C11orf65: variants seen among roughly 807,000 people sequenced by gnomAD.
The protein encoded by C11orf65 is protein MFI.
A neutral mutation model predicts 35.3 loss-of-function variants in C11orf65; 38 were observed. That is an observed-to-expected ratio of 1.08 (90% CI 0.83 to 1.41). The LOEUF is 1.41. Among genes scored for constraint, C11orf65 ranks in the 40% most tolerant of loss-of-function variants. The pLI, the probability that C11orf65 is intolerant of heterozygous loss-of-function variation, is 0.00. For synonymous variants in C11orf65, 105 were observed against 114.4 expected, an observed-to-expected ratio of 0.92 and a Z score of 0.53; for missense variants, 370 against 367.1, an observed-to-expected ratio of 1.01 and a Z score of -0.06.
rs1175890979 is a variant in C11orf65 at position 108,387,148 on chromosome 11, CTT to C, written c.732-1175_732-1174del. On this transcript the variant is annotated intron_variant, in intron 7 of 8. Coordinates refer to ENST00000393084, the MANE Select transcript of C11orf65 (RefSeq NM_152587.5). Reference sequence around the variant, plus strand: ...TGATTTTCTTTTCTTTTCTTTCTTTCTTTTTTTTTTTTTTTTTTTTTTTGAGA... The same window carrying C: ...TGATTTTCTTTTCTTTTCTTTCTTTCTTTTTTTTTTTTTTTTTTTTTGAGA... 2.5e-4 allele frequency among the ~76,000 whole-genome samples: 21 copies of C among 84,406 alleles called. No individual in the cohort carries two copies. In the South Asian group the frequency reaches 3.4e-3, roughly 14 times the overall value. The allele number at this position is 84,406 out of a possible 152,430, so 55.4% of individuals were successfully genotyped here.
At chr11:108,338,419 C>T (rs1426926932) in intron 2 of C11orf65, among the ~76,000 whole-genome samples, 1 of 152,090 alleles carries the variant, frequency 6.6e-6, no homozygotes, top group Non-Finnish European at 1.5e-5. Flanking sequence ...CTTTGAGAGG[C>T]CAAGGCAGGA....
rs996339818 is a variant in C11orf65, at chr11:108,431,835, C to T, written c.85G>A (p.Val29Ile). Residue 29 changes from valine (V) to isoleucine (I), a missense_variant, in exon 3 of 9, where the codon GTC (valine) becomes ATC (isoleucine). Transcript: ENST00000393084. ...IQQAWKSFLN[V>I]AIFQHFKSLI... ...CTTTTAAAGTGTTGAAATATAGCGA[C>T]ATTCTAAAGGTTCAAACACAAGATT... The T allele has an allele frequency of 1.3e-6, 2 of 1,485,380 alleles. No individual in the cohort carries two copies. The highest frequency in any genetic ancestry group is 1.8e-6 in the Non-Finnish European group (2 of 1,095,718). 92.0% of individuals were successfully genotyped at this position (1,485,380 alleles called of 1,614,324 possible).
Position 108,461,476 on chromosome 11 carries a change from C to T in C11orf65, c.81+3G>A, listed in dbSNP as rs948347342. 5.0e-6 allele frequency: 8 copies of T among 1,594,516 alleles called. No homozygotes were observed. The highest frequency in any genetic ancestry group is 2.2e-5 in the East Asian group (1 of 44,614). On this transcript the variant is annotated splice_donor_region_variant and intron_variant, in intron 2 of 8. Transcript: ENST00000393084. The stretch of plus-strand genomic sequence containing the variant: ...TTTCAATAAAACTTCTAAATAAACT[C>T]ACAAGGAAACTTTTCCAGGCCTGCT...
At chr11:108,337,359 G>A (rs186884801) in intron 2 of C11orf65, among the ~76,000 whole-genome samples, 49 of 152,236 alleles carry the variant, frequency 3.2e-4, no homozygotes, top group Admixed American at 6.5e-4. Flanking sequence ...ATTAATCCTC[G>A]ATGAATGCAA....
At chr11:108,442,494 G>A (rs1258648647) in intron 2 of C11orf65, among the ~76,000 whole-genome samples, 2 of 152,130 alleles carry the variant, frequency 1.3e-5, no homozygotes, top group African/African-American at 2.4e-5. Context: ...GATACTCCTC[G>A]AGAAGAGCAA....
intron 6 of C11orf65, among the ~76,000 whole-genome samples, chr11:108,310,514 T>G (rs1046144001): frequency 6.6e-6 from 1 of 152,198 alleles, no homozygotes; most frequent in African/African-American, 2.4e-5. Flanking sequence ...GAATGCTTAT[T>G]ACTTAGGTAT....
At chr11:108,460,736 T>C (rs1216467441) in intron 2 of C11orf65, among the ~76,000 whole-genome samples, 10 of 151,978 alleles carry the variant, frequency 6.6e-5, no homozygotes, top group African/African-American at 2.2e-4. Flanking sequence ...TTTGTTGTTG[T>C]TGTTGTTGTT....
intron 2 of C11orf65, among the ~76,000 whole-genome samples, chr11:108,438,473 C>T (rs1232137210): frequency 6.6e-6 from 1 of 151,782 alleles, no homozygotes; most frequent in South Asian, 2.1e-4. Flanking sequence ...ATCCCTCAAA[C>T]CTGGGAGGCG....
At chr11:108,344,199 CAG>C (rs2087984166) in intron 2 of C11orf65, among the ~76,000 whole-genome samples, 1 of 152,102 alleles carries the variant, frequency 6.6e-6, no homozygotes, top group South Asian at 2.1e-4. Context: ...ACAGGGCACA[CAG>C]GGTACAGTGT....
intron 6 of C11orf65, among the ~76,000 whole-genome samples, chr11:108,403,142 G>T (rs1279894230): frequency 6.6e-6 from 1 of 151,982 alleles, no homozygotes. Flanking sequence ...GTGTTTACTT[G>T]TTTAAAAAAA....
At chr11:108,436,140 G>A (rs927303509) in intron 2 of C11orf65, among the ~76,000 whole-genome samples, 1 of 151,926 alleles carries the variant, frequency 6.6e-6, no homozygotes, top group Admixed American at 6.6e-5. Context: ...GAAAATAGAA[G>A]GGCATAATGA....
chr11:108,360,508 G>T (rs2090598865), intron 2 of C11orf65, among the ~76,000 whole-genome samples: 1 of 129,168 alleles, frequency 7.7e-6, no homozygotes, highest in Non-Finnish European at 1.6e-5. Flanking sequence ...GAGAATTTTA[G>T]ACCAATATCC....
At chr11:108,414,193 A>G (rs1361131535) in intron 3 of C11orf65, among the ~76,000 whole-genome samples, 1 of 152,048 alleles carries the variant, frequency 6.6e-6, no homozygotes, top group East Asian at 1.9e-4. Flanking sequence ...AAAAAGACAG[A>G]TATTACACAT....
At chr11:108,446,076 T>C (rs181447023) in intron 2 of C11orf65, among the ~76,000 whole-genome samples, 1,787 of 151,968 alleles carry the variant, frequency 0.012, 112 homozygotes, top group Admixed American at 0.11. Context: ...AAGGGAAGTT[T>C]AGAGAAAAAA....
intron 6 of C11orf65, chr11:108,315,689 C>A: frequency 1.4e-6 from 1 of 712,838 alleles, no homozygotes; most frequent in Non-Finnish European, 2.4e-6. Flanking sequence ...ATTTCAGAAT[C>A]ATTACATTTT....
At chr11:108,405,077 T>C (rs1285488737) in intron 6 of C11orf65, among the ~76,000 whole-genome samples, 4 of 152,238 alleles carry the variant, frequency 2.6e-5, no homozygotes, top group Admixed American at 6.5e-5. Context: ...AAGACAAGCC[T>C]TTGATGTGTG....
rs373593586 is a variant in C11orf65 at position 108,451,092 on chromosome 11, T to G, written c.81+10387A>C. On this transcript the variant is annotated intron_variant, in intron 2 of 8. Coordinates refer to ENST00000393084, the MANE Select transcript of C11orf65 (RefSeq NM_152587.5). ...AACTGGAAGCATTCCCTTTGAAAACTGGCACAAGACAGGGATGCCCTCTCT... is the reference window on the plus strand; with the variant it reads ...AACTGGAAGCATTCCCTTTGAAAACGGGCACAAGACAGGGATGCCCTCTCT... Among the ~76,000 whole-genome samples, 152 of 152,028 alleles carry G rather than the reference T, an allele frequency of 1.0e-3. 2 individuals are homozygous for G. The East Asian group carries it at 0.02, about 20-fold the overall frequency.
downstream of C11orf65, chr11:108,330,489 A>G: frequency 1.3e-6 from 2 of 1,487,316 alleles, no homozygotes; most frequent in Non-Finnish European, 1.9e-6. Context: ...CCTTGATGTC[A>G]GGAATCGTGT....
At chr11:108,404,637 G>C (rs1435375090) in intron 6 of C11orf65, among the ~76,000 whole-genome samples, 1 of 143,470 alleles carries the variant, frequency 7.0e-6, no homozygotes, top group Non-Finnish European at 1.5e-5. Flanking sequence ...CACCATGTTA[G>C]CGAGGATGGT....
Sources: allele counts gnomAD v4.1 joint callset (sites outside exome capture counted in the v4.1 genomes callset), GRCh38; gene constraint gnomAD v4.1.1; transcripts MANE v1.5; gene names NCBI Gene and HGNC (gene_info 2026-07-23, HGNC 2026-07-21).